DPY19L3: variants seen among roughly 807,000 people sequenced by gnomAD.
DPY19L3 encodes protein C-mannosyl-transferase DPY19L3.
DPY19L3 carries 51 observed loss-of-function variants against 92.3 expected under a neutral mutation model. The ratio of observed to expected loss-of-function variants is 0.55; its 90% CI spans 0.44 to 0.70. DPY19L3 has a LOEUF of 0.70. Among genes scored for constraint, DPY19L3 ranks in the 30% least tolerant of loss-of-function variants. The pLI, the probability that DPY19L3 is intolerant of heterozygous loss-of-function variation, is 0.00. For missense variants in DPY19L3, 706 were observed against 855.9 expected (o/e 0.82, Z 2.18); for synonymous variants, 309 against 315.2 (o/e 0.98, Z 0.21).
Position 32,411,291 on chromosome 19 carries a change from C to G in DPY19L3, c.156C>G (p.Thr52=). The G allele has an allele frequency of 4.3e-6, 7 of 1,613,524 alleles. No individual in the cohort carries two copies. The highest frequency in any genetic ancestry group is 1.1e-5 in the South Asian group (1 of 91,032). ...TTTTGTCATTGACAATTGGTGGAAC[C>G]ATTGCCCTTTGCATTGGACTTCTTA... ...WKILSLTIGG[T]IALCIGLLTS... The change falls in exon 3 of 19, where the codon ACC becomes ACG. Residue 52 remains threonine, a synonymous_variant. Transcript: ENST00000392250.
At chr19:32,416,051 A>G (rs947486442) in intron 3 of DPY19L3, among the ~76,000 whole-genome samples, 1 of 152,230 alleles carries the variant, frequency 6.6e-6, no homozygotes, top group African/African-American at 2.4e-5. Context: ...TGAACTTGGC[A>G]AATCCAGGAT....
chr19:32,480,349 C>T lies in DPY19L3; in HGVS notation c.1831-50C>T, dbSNP rs73569250. ...AAGGTTACATCACATAGTTAACTCC[C>T]TGGCAGTCAAGTAGCATTTGCCACA... On this transcript the variant is annotated intron_variant, in intron 17 of 18. Coordinates refer to ENST00000392250, the MANE Select transcript of DPY19L3 (RefSeq NM_001172774.2). 939 of 1,569,744 alleles carry T rather than the reference C, an allele frequency of 6.0e-4. 4 individuals are homozygous for T. In the African/African-American group the frequency reaches 0.011, roughly 19 times the overall value.
At chr19:32,420,590 T>C (rs1418204529) in intron 3 of DPY19L3, among the ~76,000 whole-genome samples, 1 of 151,776 alleles carries the variant, frequency 6.6e-6, no homozygotes, top group African/African-American at 2.4e-5. Flanking sequence ...GCTGGGATTA[T>C]AGGTGCGCAC....
At chr19:32,459,146 T>TA (rs1391932461) in intron 12 of DPY19L3, among the ~76,000 whole-genome samples, 5 of 152,184 alleles carry the variant, frequency 3.3e-5, no homozygotes, top group Non-Finnish European at 7.4e-5. Context: ...CTGCCAATTT[T>TA]AAAAAACTAA....
intron 4 of DPY19L3, among the ~76,000 whole-genome samples, chr19:32,434,146 T>A (rs528073985): frequency 1.3e-5 from 2 of 152,322 alleles, no homozygotes; most frequent in Admixed American, 6.5e-5. Flanking sequence ...AATGTACTTA[T>A]AACCCTAAAA....
chr19:32,427,086 T>C (rs1175217044), intron 3 of DPY19L3, among the ~76,000 whole-genome samples: 1 of 152,162 alleles, frequency 6.6e-6, no homozygotes, highest in Non-Finnish European at 1.5e-5. Context: ...CTCGACTTCC[T>C]GAGCTCAGGT....
intron 3 of DPY19L3, among the ~76,000 whole-genome samples, chr19:32,421,102 T>C (rs1423214588): frequency 6.6e-6 from 1 of 152,236 alleles, no homozygotes; most frequent in Non-Finnish European, 1.5e-5. Context: ...TTGAAGTTTT[T>C]ATTCTCTTGA....
intron 17 of DPY19L3, among the ~76,000 whole-genome samples, chr19:32,477,988 C>T (rs181671559): frequency 6.6e-6 from 1 of 152,282 alleles, no homozygotes; most frequent in Admixed American, 6.5e-5. Flanking sequence ...CATCAGATCT[C>T]ATGAGATGTA....
intron 8 of DPY19L3, among the ~76,000 whole-genome samples, chr19:32,444,330 C>T (rs1380593931): frequency 6.6e-6 from 1 of 152,052 alleles, no homozygotes; most frequent in African/African-American, 2.4e-5. Flanking sequence ...AGTGGATGGA[C>T]TCAACAGCAA....
chr19:32,422,629 A>AACACACACACACAC (rs66481682), intron 3 of DPY19L3, among the ~76,000 whole-genome samples: 2,992 of 146,776 alleles, frequency 0.02, 69 homozygotes, highest in Middle Eastern at 0.046. Context: ...AATCAGGAAA[A>AACACACACACACAC]ACACACACAC....
chr19:32,477,334 C>A, intron 16 of DPY19L3, 188 bp from the exon 17 acceptor site: 2 of 547,580 alleles, frequency 3.7e-6, no homozygotes, highest in Non-Finnish European at 3.0e-6. Context: ...ATGGCAAAAA[C>A]CGCAATTACT....
At chr19:32,417,599 G>T (rs1968421589) in intron 3 of DPY19L3, among the ~76,000 whole-genome samples, 1 of 152,204 alleles carries the variant, frequency 6.6e-6, no homozygotes, top group South Asian at 2.1e-4. Context: ...AATTACAGGT[G>T]TGAGCTACCA....
intron 3 of DPY19L3, among the ~76,000 whole-genome samples, chr19:32,429,643 A>C (rs772043692): frequency 2.6e-5 from 4 of 152,164 alleles, no homozygotes; most frequent in Non-Finnish European, 5.9e-5. Context: ...TATTCTTAGA[A>C]CCATATAATT....
At chr19:32,436,688 C>G (rs775171439) in intron 5 of DPY19L3, 121 bp downstream of exon 5, 16 of 921,186 alleles carry the variant, frequency 1.7e-5, no homozygotes, top group African/African-American at 1.0e-4. Flanking sequence ...ATCAGCAATA[C>G]TATATTTTTT....
rs80072813 is a variant in DPY19L3 at position 32,439,385 on chromosome 19, C to T, written c.720+150C>T. On this transcript the variant is annotated intron_variant, in intron 7 of 18. Coordinates refer to ENST00000392250, the MANE Select transcript of DPY19L3 (RefSeq NM_001172774.2). ...CTTGAGTTAAATTAAGTTTTCTTTT[C>T]GTGAGCTTTTTTCTACTTTGCAAAG... 3.9e-3 allele frequency: 3,346 copies of T among 859,198 alleles called. 81 individuals carry two copies. The African/African-American group carries it at 0.047, about 12-fold the overall frequency. 53.2% of individuals were successfully genotyped at this position (859,198 alleles called of 1,614,324 possible). A position where few individuals can be genotyped will look rare whatever the true frequency, so the allele number is the denominator to read the frequency against.
intron 18 of DPY19L3, chr19:32,480,963 G>A (rs1020901774): frequency 2.4e-5 from 10 of 412,410 alleles, no homozygotes; most frequent in Admixed American, 8.1e-5. Context: ...CCTGCCCTCC[G>A]GTCTAGGTGG....
intron 1 of DPY19L3, among the ~76,000 whole-genome samples, chr19:32,407,716 A>ATGAATAAATATGATTGAGT (rs1189762302): frequency 2.6e-5 from 4 of 152,192 alleles, no homozygotes; most frequent in Non-Finnish European, 5.9e-5. Flanking sequence ...CACATGCTTC[A>ATGAATAAATATGATTGAGT]TGAATAAATA....
At chr19:32,431,206 C>G (rs1036115996) in intron 3 of DPY19L3, among the ~76,000 whole-genome samples, 1 of 151,832 alleles carries the variant, frequency 6.6e-6, no homozygotes, top group Non-Finnish European at 1.5e-5. Context: ...ATGGAGAAAC[C>G]CCATCTCTAC....
chr19:32,461,475 A>G (rs1291263132), intron 12 of DPY19L3, among the ~76,000 whole-genome samples: 1 of 152,120 alleles, frequency 6.6e-6, no homozygotes, highest in African/African-American at 2.4e-5. Flanking sequence ...TGTCTGTTTT[A>G]TTTTTATTTA....
Sources: gnomAD v4.1 joint callset for allele counts (sites outside exome capture counted in the v4.1 genomes callset) on GRCh38, gnomAD v4.1.1 for gene constraint, MANE v1.5 for transcripts, NCBI Gene and HGNC (gene_info 2026-07-23, HGNC 2026-07-21) for gene names.